The following CAMKMT variants were observed in gnomAD, a reference collection of about 807,000 sequenced individuals.
CAMKMT encodes the protein CaM KMT.
Under a neutral mutation model 48.0 loss-of-function variants are expected in CAMKMT, and 53 were observed. The ratio of observed to expected loss-of-function variants is 1.10; its 90% CI spans 0.89 to 1.39. The LOEUF (loss-of-function observed/expected upper bound fraction) is 1.39. Among genes scored for constraint, CAMKMT ranks in the 40% most tolerant of loss-of-function variants. The probability of loss-of-function intolerance (pLI) is 0.00; values close to 1 mark genes in which losing one functional copy is unlikely to be tolerated. For synonymous variants in CAMKMT, 165 were observed against 152.3 expected, an observed-to-expected ratio of 1.08 and a Z score of -0.61; for missense variants, 428 against 402.7, an observed-to-expected ratio of 1.06 and a Z score of -0.54.
At chr2:44,510,601 A>G (rs1670490649) in intron 3 of CAMKMT, among the ~76,000 whole-genome samples, 2 of 152,176 alleles carry the variant, frequency 1.3e-5, no homozygotes, top group Admixed American at 1.3e-4. Context: ...ATTTCTCATT[A>G]TACTTTCCCT....
chr2:44,426,668 T>G (rs1202027425), intron 3 of CAMKMT, among the ~76,000 whole-genome samples: 1 of 152,102 alleles, frequency 6.6e-6, no homozygotes, highest in Non-Finnish European at 1.5e-5. Flanking sequence ...TGAAAGAAAT[T>G]ATAGATGACA....
At chr2:44,536,490 A>G (rs1666779901) in intron 3 of CAMKMT, among the ~76,000 whole-genome samples, 1 of 151,672 alleles carries the variant, frequency 6.6e-6, no homozygotes, top group Non-Finnish European at 1.5e-5. Context: ...GTGCCCAGCT[A>G]ATTTTTTTTG....
At chr2:44,443,857 A>G (rs1085447) in intron 3 of CAMKMT, among the ~76,000 whole-genome samples, 89,216 of 152,072 alleles carry the variant, frequency 0.59, 28,205 homozygotes, top group South Asian at 0.75. Flanking sequence ...TTAAAATACT[A>G]CTGAAGCTGC....
chr2:44,514,183 A>T (rs550030134), intron 3 of CAMKMT, among the ~76,000 whole-genome samples: 1 of 152,226 alleles, frequency 6.6e-6, no homozygotes, highest in East Asian at 1.9e-4. Flanking sequence ...CAGGAAAAGC[A>T]TCATTAGAGG....
intron 3 of CAMKMT, among the ~76,000 whole-genome samples, chr2:44,558,030 TATTTATTCATTC>T (rs1316173574): frequency 4.4e-4 from 61 of 137,202 alleles, no homozygotes; most frequent in African/African-American, 9.5e-4. Flanking sequence ...TTTATTTATT[TATTTATTCATTC>T]ATTCATTCAT....
intron 8 of CAMKMT, among the ~76,000 whole-genome samples, chr2:44,752,625 T>C (rs545118165): frequency 2.0e-5 from 3 of 151,998 alleles, no homozygotes; most frequent in Admixed American, 2.0e-4. Flanking sequence ...GATTGGGTCA[T>C]TGATAAAGAA....
At chr2:44,701,612 A>T (rs72870526) in intron 3 of CAMKMT, among the ~76,000 whole-genome samples, 1,862 of 152,310 alleles carry the variant, frequency 0.012, 32 homozygotes, top group African/African-American at 0.041. Context: ...GTCATATTGT[A>T]CTACTGTTGA....
At chr2:44,560,508 A>G (rs1668266509) in intron 3 of CAMKMT, among the ~76,000 whole-genome samples, 1 of 152,138 alleles carries the variant, frequency 6.6e-6, no homozygotes, top group South Asian at 2.1e-4. Flanking sequence ...CTGGCCTCAA[A>G]CAATCTTCCT....
intron 6 of CAMKMT, among the ~76,000 whole-genome samples, chr2:44,708,425 A>C (rs1459823691): frequency 6.6e-6 from 1 of 151,626 alleles, no homozygotes; most frequent in Non-Finnish European, 1.5e-5. Flanking sequence ...CAAACAGGAG[A>C]AAGGAGGAAC....
intron 3 of CAMKMT, among the ~76,000 whole-genome samples, chr2:44,628,091 C>T (rs527894409): frequency 1.1e-4 from 17 of 152,164 alleles, no homozygotes; most frequent in African/African-American, 3.9e-4. Flanking sequence ...GGACTACAGA[C>T]ACATTCCACC....
intron 3 of CAMKMT, among the ~76,000 whole-genome samples, chr2:44,532,899 G>A (rs1024028633): frequency 3.3e-5 from 5 of 151,294 alleles, no homozygotes; most frequent in South Asian, 2.1e-4. Context: ...TGCAACCTCC[G>A]TCTCCCAGGT....
chr2:44,473,752 T>G (rs74492650), intron 3 of CAMKMT, among the ~76,000 whole-genome samples: 2 of 152,202 alleles, frequency 1.3e-5, no homozygotes, highest in African/African-American at 4.8e-5. Flanking sequence ...AGAAACCCAA[T>G]TGACAAAAGT....
At position 44,590,319 on chromosome 2, in the gene CAMKMT, T is replaced by C. The variant is rs1335959101; in HGVS notation, c.377-113964T>C. Among the ~76,000 whole-genome samples, 3 of 152,236 alleles carry C rather than the reference T, an allele frequency of 2.0e-5. No homozygotes were observed. In the East Asian group the frequency reaches 5.8e-4, roughly 29 times the overall value. ...TTCCTTTTCAGTTTTCTCAAAGAGT[T>C]TGAGAAAGAATTGGTGTTATTTCTC... On this transcript the variant is annotated intron_variant, in intron 3 of 10. Transcript: ENST00000378494.
At position 44,585,248 on chromosome 2, in the gene CAMKMT, G is replaced by A. The variant is rs1157742596; in HGVS notation, c.377-119035G>A. On this transcript the variant is annotated intron_variant, in intron 3 of 10. Transcript: ENST00000378494. ...ATAGGAGAGCATGAAGCACTGGGTAGTCACTGTCTTGGCTTTGCAAAGAGC... is the reference window on the plus strand; with the variant it reads ...ATAGGAGAGCATGAAGCACTGGGTAATCACTGTCTTGGCTTTGCAAAGAGC... Among the ~76,000 whole-genome samples, 5 of 152,292 alleles carry A rather than the reference G, an allele frequency of 3.3e-5. No homozygotes were observed. The East Asian group carries it at 5.8e-4, about 18-fold the overall frequency.
chr2:44,726,183 A>G (rs575612633), intron 7 of CAMKMT, among the ~76,000 whole-genome samples: 1 of 152,268 alleles, frequency 6.6e-6, no homozygotes, highest in African/African-American at 2.4e-5. Flanking sequence ...GCTCTGTTTT[A>G]AGTTCTTTGA....
intron 3 of CAMKMT, among the ~76,000 whole-genome samples, chr2:44,566,008 G>A (rs1450397201): frequency 1.3e-5 from 2 of 152,146 alleles, no homozygotes; most frequent in Non-Finnish European, 2.9e-5. Flanking sequence ...ATTAGATGGC[G>A]CTAAAAAGTA....
At chr2:44,591,430 T>C (rs1473355873) in intron 3 of CAMKMT, among the ~76,000 whole-genome samples, 2 of 152,078 alleles carry the variant, frequency 1.3e-5, no homozygotes, top group African/African-American at 2.4e-5. Flanking sequence ...TTTATTTCAT[T>C]GAGCAGTGGT....
chr2:44,675,201 CTG>C (rs1286952175), intron 3 of CAMKMT, among the ~76,000 whole-genome samples: 1 of 152,144 alleles, frequency 6.6e-6, no homozygotes, highest in Non-Finnish European at 1.5e-5. Flanking sequence ...GAAAAGGAAT[CTG>C]TGTTCCTTGC....
chr2:44,632,920 G>A (rs1302543574), intron 3 of CAMKMT, among the ~76,000 whole-genome samples: 1 of 152,096 alleles, frequency 6.6e-6, no homozygotes, highest in African/African-American at 2.4e-5. Flanking sequence ...TCCTCATCTT[G>A]CAGATGGCCT....
Sources: allele counts gnomAD v4.1 joint callset (sites outside exome capture counted in the v4.1 genomes callset), GRCh38; gene constraint gnomAD v4.1.1; transcripts MANE v1.5; gene names NCBI Gene and HGNC (gene_info 2026-07-23, HGNC 2026-07-21).